IQCK: variants seen among roughly 807,000 people sequenced by gnomAD.
The protein encoded by IQCK is IQ motif containing K, also known as IQ domain-containing protein K.
In IQCK, 29 loss-of-function variants were observed where a neutral mutation model predicts 28.1. That is an observed-to-expected ratio of 1.03 (90% CI 0.77 to 1.41). IQCK has a LOEUF of 1.41. Ranked by LOEUF, IQCK falls within the 40% of genes most tolerant of loss-of-function variation. The pLI is 0.00. For missense variants in IQCK, 359 were observed against 314.7 expected (o/e 1.14, Z -1.07); for synonymous variants, 113 against 115.1 (o/e 0.98, Z 0.12).
intron 4 of IQCK, among the ~76,000 whole-genome samples, chr16:19,738,789 ACTCTTGTTCCTTC>A (rs2054793789): frequency 6.6e-6 from 1 of 152,054 alleles, no homozygotes; most frequent in Non-Finnish European, 1.5e-5. Context: ...GAGTGGTGTC[ACTCTTGTTCCTTC>A]GCCATCTAGA....
chr16:19,833,093 G>A (rs1567197779), intron 9 of IQCK, among the ~76,000 whole-genome samples: 1 of 152,182 alleles, frequency 6.6e-6, no homozygotes, highest in African/African-American at 2.4e-5. Context: ...CGATTTGTGT[G>A]TGTGTATGTG....
chr16:19,761,307 C>G (rs2055138215), intron 4 of IQCK: 1 of 442,908 alleles, frequency 2.3e-6, no homozygotes, highest in Non-Finnish European at 4.5e-6. Flanking sequence ...CCCTAATGTT[C>G]TTTTTTTCCC....
At chr16:19,738,939 T>C (rs751877156) in intron 4 of IQCK, among the ~76,000 whole-genome samples, 28 of 152,170 alleles carry the variant, frequency 1.8e-4, no homozygotes, top group Non-Finnish European at 3.7e-4. Context: ...TTGGCACTTA[T>C]CAAGCAATAC....
chr16:19,757,950 A>T (rs925707846), intron 4 of IQCK, among the ~76,000 whole-genome samples: 1 of 152,194 alleles, frequency 6.6e-6, no homozygotes, highest in African/African-American at 2.4e-5. Context: ...TGCAGACTTA[A>T]TGAGGACATG....
chr16:19,719,281 A>G (rs904198525), intron 1 of IQCK, among the ~76,000 whole-genome samples: 1 of 152,162 alleles, frequency 6.6e-6, no homozygotes, highest in Admixed American at 6.5e-5. Context: ...CTAGTTCTTA[A>G]TGAATAATGT....
At chr16:19,801,224 C>G (rs2055755321) in intron 7 of IQCK, among the ~76,000 whole-genome samples, 4 of 124,168 alleles carry the variant, frequency 3.2e-5, no homozygotes, top group Middle Eastern at 3.9e-3. Context: ...AATATTTTCA[C>G]TAGCAGAGAA....
chr16:19,776,886 A>G (rs1157878332), intron 6 of IQCK, among the ~76,000 whole-genome samples: 1 of 152,226 alleles, frequency 6.6e-6, no homozygotes. Context: ...TCGTGACTCA[A>G]CCAGCCAATC....
At chr16:19,769,076 C>T (rs923711416) in intron 6 of IQCK, among the ~76,000 whole-genome samples, 10 of 152,146 alleles carry the variant, frequency 6.6e-5, no homozygotes, top group African/African-American at 2.4e-4. Context: ...TAAGTTTTCC[C>T]CATCTGGGTC....
At chr16:19,760,744 A>C (rs2055126268) in intron 4 of IQCK, among the ~76,000 whole-genome samples, 1 of 152,114 alleles carries the variant, frequency 6.6e-6, no homozygotes, top group South Asian at 2.1e-4. Flanking sequence ...TGCAAGAAAA[A>C]ATTCAGGGCA....
chr16:19,812,815 A>G (rs531181159), intron 7 of IQCK, among the ~76,000 whole-genome samples: 55 of 152,328 alleles, frequency 3.6e-4, no homozygotes, highest in Non-Finnish European at 5.6e-4. Context: ...TTGCTGAAAG[A>G]AAAAGGCAAT....
intron 4 of IQCK, among the ~76,000 whole-genome samples, chr16:19,742,193 T>G (rs2054846549): frequency 1.3e-5 from 2 of 152,258 alleles, no homozygotes; most frequent in Admixed American, 6.5e-5. Flanking sequence ...TGAATGATAC[T>G]TCCAGACCCA....
At chr16:19,755,449 G>A (rs181872685) in intron 4 of IQCK, among the ~76,000 whole-genome samples, 2 of 152,314 alleles carry the variant, frequency 1.3e-5, no homozygotes, top group Admixed American at 1.3e-4. Flanking sequence ...AGAGAGAACA[G>A]GCAGACTGTA....
intron 9 of IQCK, among the ~76,000 whole-genome samples, chr16:19,834,523 C>T (rs2056271125): frequency 6.6e-6 from 1 of 152,202 alleles, no homozygotes. Flanking sequence ...GGCTGGACAG[C>T]AGGCAGTGTC....
intron 7 of IQCK, among the ~76,000 whole-genome samples, chr16:19,817,772 A>G (rs1597585342): frequency 6.6e-6 from 1 of 152,226 alleles, no homozygotes; most frequent in African/African-American, 2.4e-5. Flanking sequence ...AAAACAATAC[A>G]TGCTCATTGT....
intron 4 of IQCK, among the ~76,000 whole-genome samples, chr16:19,740,362 G>A (rs532085371): frequency 2.0e-5 from 3 of 152,232 alleles, no homozygotes; most frequent in South Asian, 2.1e-4. Flanking sequence ...TAGGTATCCC[G>A]TGGTGTTAAA....
chr16:19,802,725 A>G (rs546233410), intron 7 of IQCK, among the ~76,000 whole-genome samples: 5 of 152,236 alleles, frequency 3.3e-5, no homozygotes, highest in African/African-American at 1.2e-4. Context: ...TGCCTTTTCC[A>G]GCATGTTACA....
At chr16:19,815,057 G>A (rs2055967692) in intron 7 of IQCK, among the ~76,000 whole-genome samples, 2 of 152,146 alleles carry the variant, frequency 1.3e-5, no homozygotes, top group South Asian at 4.1e-4. Flanking sequence ...AAATTGCTGG[G>A]ATTATAGGCG....
chr16:19,838,077 C>T (rs2056319353), intron 9 of IQCK, among the ~76,000 whole-genome samples: 3 of 152,226 alleles, frequency 2.0e-5, no homozygotes, highest in Admixed American at 1.3e-4. Flanking sequence ...TAGGTGTTTG[C>T]TGTAGAATAT....
intron 7 of IQCK, among the ~76,000 whole-genome samples, chr16:19,826,320 A>T (rs2056148333): frequency 6.6e-6 from 1 of 152,042 alleles, no homozygotes; most frequent in Non-Finnish European, 1.5e-5. Flanking sequence ...AATTTTTTTT[A>T]ATATTAATTA....
Sources: allele counts gnomAD v4.1 joint callset (sites outside exome capture counted in the v4.1 genomes callset), GRCh38; gene constraint gnomAD v4.1.1; transcripts MANE v1.5; gene names NCBI Gene and HGNC (gene_info 2026-07-23, HGNC 2026-07-21).